Variants in SHROOM3 observed in about 807,000 individuals in gnomAD.
The protein encoded by SHROOM3 is protein Shroom3.
Under a neutral mutation model 138.6 loss-of-function variants are expected in SHROOM3, and 47 were observed. The ratio of observed to expected loss-of-function variants is 0.34; its 90% CI spans 0.27 to 0.43. The LOEUF is 0.43. Among genes scored for constraint, SHROOM3 ranks in the 20% least tolerant of loss-of-function variants. SHROOM3 has a pLI of 1.00. For synonymous variants in SHROOM3, 1,062 were observed against 1,063.3 expected (o/e 1.00, Z 0.02); for missense variants, 2,491 against 2,596.5 (o/e 0.96, Z 0.88).
intron 1 of SHROOM3, among the ~76,000 whole-genome samples, chr4:76,508,447 A>G (rs1207780836): frequency 6.6e-6 from 1 of 152,140 alleles, no homozygotes; most frequent in Non-Finnish European, 1.5e-5. Flanking sequence ...TGCTGTCTTG[A>G]TTACTGTGGC....
At chr4:76,580,652 C>T (rs1296794481) in intron 2 of SHROOM3, among the ~76,000 whole-genome samples, 1 of 152,084 alleles carries the variant, frequency 6.6e-6, no homozygotes, top group Non-Finnish European at 1.5e-5. Flanking sequence ...TCTCGAACAC[C>T]TGACCTCAGG....
chr4:76,558,958 C>A (rs760895019), intron 2 of SHROOM3, among the ~76,000 whole-genome samples: 2 of 152,144 alleles, frequency 1.3e-5, no homozygotes, highest in Non-Finnish European at 2.9e-5. Context: ...CCCCTCTGGG[C>A]CCCAGGGAAT....
At chr4:76,718,762 C>T (rs1423165001) in intron 3 of SHROOM3, among the ~76,000 whole-genome samples, 1 of 152,082 alleles carries the variant, frequency 6.6e-6, no homozygotes, top group African/African-American at 2.4e-5. Context: ...GAATAAATAA[C>T]CATCAAAAGG....
rs750925911 is a variant in SHROOM3, at chr4:76,756,461, T to G, written c.4722T>G (p.Leu1574=). Reference sequence around the variant, plus strand: ...ATATCCCTGGCAGCTTCAACAAACTTTCTAAAGTGACAATTGCAAGGGAAA... The same window carrying G: ...ATATCCCTGGCAGCTTCAACAAACTGTCTAAAGTGACAATTGCAAGGGAAA... The part of the protein sequence containing the change: ...PEGPRPSFNK[L]SKVTIARERH... Residue 1574 remains leucine, a synonymous_variant, in exon 8 of 11, where the codon CTT becomes CTG. Coordinates refer to ENST00000296043, the MANE Select transcript of SHROOM3 (RefSeq NM_020859.4). 2 of 1,612,328 alleles carry G rather than the reference T, an allele frequency of 1.2e-6. No individual in the cohort carries two copies. Among genetic ancestry groups the G allele is most frequent in the Non-Finnish European group, 1.7e-6 (2 of 1,179,374 alleles).
At position 76,779,209 on chromosome 4, in the gene SHROOM3, T is replaced by C. The variant is rs1445139512; in HGVS notation, c.*32T>C. ...CTAAAATACCCAACCAAAAGATCAC[T>C]GTTTCTCTCAACACTATTTAATCTG... On this transcript the variant is annotated 3_prime_UTR_variant, in exon 11 of 11. Coordinates refer to ENST00000296043, the MANE Select transcript of SHROOM3 (RefSeq NM_020859.4). 36 of 1,571,996 alleles carry C rather than the reference T, an allele frequency of 2.3e-5. No individual in the cohort carries two copies. The highest frequency in any genetic ancestry group is 2.8e-5 in the Non-Finnish European group (33 of 1,159,498).
chr4:76,488,124 TAA>T (rs1731771075), intron 1 of SHROOM3, among the ~76,000 whole-genome samples: 2 of 152,184 alleles, frequency 1.3e-5, no homozygotes, highest in African/African-American at 2.4e-5. Flanking sequence ...TTGAGGATGA[TAA>T]AAAGAGTGTA....
chr4:76,585,564 G>A (rs1016567467), intron 2 of SHROOM3, among the ~76,000 whole-genome samples: 2 of 152,184 alleles, frequency 1.3e-5, no homozygotes, highest in African/African-American at 4.8e-5. Flanking sequence ...TTTAAGTAAA[G>A]TCTGTAACTG....
chr4:76,681,354 C>T lies in SHROOM3; in HGVS notation c.324-28802C>T, dbSNP rs2110103227. Among the ~76,000 whole-genome samples the T allele has an allele frequency of 2.6e-5, 4 of 152,240 alleles. No individual in the cohort carries two copies. The South Asian group carries it at 8.3e-4, about 32-fold the overall frequency. On this transcript the variant is annotated intron_variant, in intron 2 of 10. Coordinates refer to ENST00000296043, the MANE Select transcript of SHROOM3 (RefSeq NM_020859.4). The stretch of plus-strand genomic sequence containing the variant: ...TCAAAATTATCATAGCCACTATTTT[C>T]AGCTCTCATGTGCCAGGCATAGTAT...
At chr4:76,580,288 C>T (rs553663398) in intron 2 of SHROOM3, among the ~76,000 whole-genome samples, 1 of 152,282 alleles carries the variant, frequency 6.6e-6, no homozygotes, top group South Asian at 2.1e-4. Flanking sequence ...TGGAAAAATA[C>T]CCAAAGCTGC....
chr4:76,631,658 G>A (rs1735328227), intron 2 of SHROOM3, among the ~76,000 whole-genome samples: 1 of 152,212 alleles, frequency 6.6e-6, no homozygotes, highest in South Asian at 2.1e-4. Flanking sequence ...AGCACAGCGA[G>A]CAGGGTTGGG....
At chr4:76,602,834 T>C (rs995848105) in intron 2 of SHROOM3, among the ~76,000 whole-genome samples, 1 of 152,168 alleles carries the variant, frequency 6.6e-6, no homozygotes, top group Non-Finnish European at 1.5e-5. Flanking sequence ...CAGATCACTT[T>C]CCTCCTGGTG....
intron 2 of SHROOM3, among the ~76,000 whole-genome samples, chr4:76,585,502 A>G (rs567263815): frequency 3.3e-5 from 5 of 152,280 alleles, no homozygotes; most frequent in Admixed American, 2.0e-4. Context: ...ATCAAGCACT[A>G]CTTATCCATA....
chr4:76,481,634 C>A (rs1325381732), intron 1 of SHROOM3, among the ~76,000 whole-genome samples: 1 of 152,180 alleles, frequency 6.6e-6, no homozygotes, highest in Non-Finnish European at 1.5e-5. Flanking sequence ...CCCCCTAACT[C>A]ATGTTTAACT....
chr4:76,452,526 G>A (rs576450137), intron 1 of SHROOM3, among the ~76,000 whole-genome samples: 4 of 152,320 alleles, frequency 2.6e-5, no homozygotes, highest in South Asian at 4.1e-4. Flanking sequence ...ACTTAGCACA[G>A]TGTTTTCAAG....
chr4:76,698,072 T>G (rs1157705616), intron 2 of SHROOM3, among the ~76,000 whole-genome samples: 2 of 152,248 alleles, frequency 1.3e-5, no homozygotes, highest in Admixed American at 1.3e-4. Flanking sequence ...GGTACCTTGA[T>G]GTCCATGTAA....
chr4:76,771,467 T>G (rs1722355313), intron 10 of SHROOM3, among the ~76,000 whole-genome samples: 1 of 152,152 alleles, frequency 6.6e-6, no homozygotes. Flanking sequence ...TCCTCCCAAC[T>G]GTCTTCCTTC....
chr4:76,646,685 G>A (rs1735828947), intron 2 of SHROOM3, among the ~76,000 whole-genome samples: 1 of 152,118 alleles, frequency 6.6e-6, no homozygotes, highest in African/African-American at 2.4e-5. Context: ...TTAAAAGCAG[G>A]GGAAATTAAG....
chr4:76,676,048 A>T (rs958923), intron 2 of SHROOM3, among the ~76,000 whole-genome samples: 3,592 of 152,326 alleles, frequency 0.024, 143 homozygotes, highest in African/African-American at 0.082. Context: ...CTGGTCAATA[A>T]ATGGAAGTTG....
intron 2 of SHROOM3, chr4:76,709,926 G>T: frequency 2.0e-6 from 1 of 499,218 alleles, no homozygotes. Context: ...ATGCTTTATT[G>T]CTTCAGAGGA....
Sources: gnomAD v4.1 joint callset for allele counts (sites outside exome capture counted in the v4.1 genomes callset) on GRCh38, gnomAD v4.1.1 for gene constraint, MANE v1.5 for transcripts, NCBI Gene and HGNC (gene_info 2026-07-23, HGNC 2026-07-21) for gene names.